Variants in EIF4E2 observed in about 807,000 individuals in gnomAD.
EIF4E2 encodes eukaryotic translation initiation factor 4E type 2.
A neutral mutation model predicts 34.2 loss-of-function variants in EIF4E2; 13 were observed. That is an observed-to-expected ratio of 0.38 (90% CI 0.25 to 0.60). The LOEUF (loss-of-function observed/expected upper bound fraction) is 0.60. Ranked by LOEUF, EIF4E2 falls within the 20% of genes least tolerant of loss-of-function variation. The pLI is 0.62. For synonymous variants in EIF4E2, 100 were observed against 106.6 expected, an observed-to-expected ratio of 0.94 and a Z score of 0.38; for missense variants, 222 against 315.1, an observed-to-expected ratio of 0.70 and a Z score of 2.24.
intron 6 of EIF4E2, among the ~76,000 whole-genome samples, chr2:232,580,114 AC>A (rs1693312473): frequency 6.6e-6 from 1 of 150,778 alleles, no homozygotes; most frequent in Non-Finnish European, 1.5e-5. Flanking sequence ...ACACACACAC[AC>A]ACACACACAC....
In EIF4E2 at chr2:232,567,062, TC is replaced by T; in HGVS notation, c.529-15del. 6.2e-7 allele frequency: 1 copy of T among 1,611,440 alleles called. No individual in the cohort carries two copies. Among genetic ancestry groups the T allele is most frequent in the Non-Finnish European group, 8.5e-7 (1 of 1,178,524 alleles). ...CCCCTGATTTGCTTTGATGATTCCT[TC>T]TGTTCCTCTGGTAGGAAGACATTAT... is the stretch of plus-strand genomic sequence containing the variant. On this transcript the variant is annotated splice_polypyrimidine_tract_variant and intron_variant, in intron 5 of 6. Transcript: ENST00000258416.
rs774733717 is a variant in EIF4E2, at chr2:232,564,295, C to T, written c.319C>T (p.Leu107=). Residue 107 remains leucine, a synonymous_variant, in exon 4 of 7, where the codon CTG becomes TTG. Transcript: ENST00000258416. ...FYSHMVRPGD[L]TGHSDFHLFK... is the part of the protein sequence containing the mutation. ...TAGCCACATGGTACGTCCTGGGGACCTGACAGGCCACAGTGACTTCCATCT... is the reference window on the plus strand; with the variant it reads ...TAGCCACATGGTACGTCCTGGGGACTTGACAGGCCACAGTGACTTCCATCT... 2.5e-6 allele frequency: 4 copies of T among 1,598,772 alleles called. No individual in the cohort carries two copies. In the South Asian group the frequency reaches 3.4e-5, roughly 14 times the overall value.
chr2:232,576,634 A>G (rs72993999), intron 6 of EIF4E2, among the ~76,000 whole-genome samples: 4,566 of 152,158 alleles, frequency 0.03, 138 homozygotes, highest in African/African-American at 0.073. Context: ...AGTAGGGGGG[A>G]AAAATGAATT....
At chr2:232,573,379 T>G (rs1016094454), downstream of EIF4E2, among the ~76,000 whole-genome samples, 2 of 152,166 alleles carry the variant, frequency 1.3e-5, no homozygotes, top group Non-Finnish European at 2.9e-5. Context: ...ATTTTATATA[T>G]AATTCCCAAG....
chr2:232,570,429 T>C (rs530433262), downstream of EIF4E2, among the ~76,000 whole-genome samples: 198 of 152,338 alleles, frequency 1.3e-3, 1 homozygote, highest in Non-Finnish European at 1.0e-3. Flanking sequence ...GTTACATACA[T>C]TAACTTTAAT....
intron 6 of EIF4E2, chr2:232,567,732 C>T: frequency 1.0e-6 from 1 of 990,110 alleles, no homozygotes; most frequent in Non-Finnish European, 1.2e-6. Flanking sequence ...AGAGCAGAAT[C>T]AAAGGGAAGC....
chr2:232,567,408 G>C, intron 6 of EIF4E2, 194 bp downstream of exon 6: 1 of 1,398,534 alleles, frequency 7.2e-7, no homozygotes, highest in Non-Finnish European at 9.3e-7. Flanking sequence ...ATACTACCAG[G>C]TGCTTTGTAG....
chr2:232,574,198 G>C, downstream of EIF4E2: 1 of 1,481,074 alleles, frequency 6.8e-7, no homozygotes, highest in South Asian at 1.2e-5. Flanking sequence ...TATTGTGTCT[G>C]CTCTCTGTGT....
In EIF4E2 at chr2:232,581,996, T is replaced by C. The variant is rs1429981983; in HGVS notation, c.*1053T>C. ...GAGTCCTCATCACCTGGTATGTGTATGAGCAAATGTGTGCTGATTGTGATG... is the reference window on the plus strand; with the variant it reads ...GAGTCCTCATCACCTGGTATGTGTACGAGCAAATGTGTGCTGATTGTGATG... On this transcript the variant is annotated 3_prime_UTR_variant, in exon 7 of 7. Coordinates refer to the EIF4E2 transcript ENST00000409098. This position sits in a 1 kb window ranked among gnomAD's most constrained non-coding sequence, Gnocchi z 5.2. 1.3e-5 allele frequency: 2 copies of C among 152,312 alleles called. No individual in the cohort carries two copies. Among genetic ancestry groups the C allele is most frequent in the East Asian group, 3.8e-4 (2 of 5,206 alleles). 9.4% of individuals were successfully genotyped at this position (152,312 alleles called of 1,614,324 possible).
intron 6 of EIF4E2, among the ~76,000 whole-genome samples, chr2:232,576,185 A>G (rs1693213944): frequency 6.8e-6 from 1 of 146,568 alleles, no homozygotes; most frequent in Admixed American, 6.9e-5. Context: ...GCCTGGCAAC[A>G]GAGCGAGACT....
chr2:232,564,890 G>C (rs1040508623), intron 4 of EIF4E2, among the ~76,000 whole-genome samples: 2 of 152,200 alleles, frequency 1.3e-5, no homozygotes, highest in Admixed American at 6.5e-5. Flanking sequence ...ACTGTTTTAT[G>C]ACTAAAATGG....
At position 232,581,244 on chromosome 2, in the gene EIF4E2, G is replaced by A. The variant is rs140148638; in HGVS notation, c.*301G>A. Reference sequence around the variant, plus strand: ...TGTGCTGTCCAGATGCCTCTTGGGCGTCCTGTTGTTCTCTTCCCGTGTTGT... The same window carrying A: ...TGTGCTGTCCAGATGCCTCTTGGGCATCCTGTTGTTCTCTTCCCGTGTTGT... On this transcript the variant is annotated 3_prime_UTR_variant, in exon 7 of 7. Coordinates refer to the EIF4E2 transcript ENST00000409098. The surrounding 1 kb of genome is among the most constrained non-coding windows in gnomAD (Gnocchi z 5.2). The A allele has an allele frequency of 0.012, 5,752 of 489,960 alleles. 54 individuals carry two copies. Among genetic ancestry groups the A allele is most frequent in the Non-Finnish European group, 0.016 (4,148 of 261,248 alleles). 30.4% of individuals were successfully genotyped at this position (489,960 alleles called of 1,614,324 possible). A position where few individuals can be genotyped will look rare whatever the true frequency, so the allele number is the denominator to read the frequency against.
At position 232,553,900 on chromosome 2, in the gene EIF4E2, C is replaced by G. The variant is rs531450905; in HGVS notation, c.21-2516C>G. 8 of 152,192 alleles carry G rather than the reference C, an allele frequency of 5.3e-5. No individual in the cohort carries two copies. The East Asian group carries it at 1.4e-3, about 26-fold the overall frequency. 9.4% of individuals were successfully genotyped at this position (152,192 alleles called of 1,614,324 possible). On this transcript the variant is annotated intron_variant, in intron 1 of 6. Transcript: ENST00000258416. ...AAAAGAAAGGAAGGTATATACTTTT[C>G]TTGGGTCTAGCAAAAACAAGATGCT...
intron 6 of EIF4E2, among the ~76,000 whole-genome samples, chr2:232,574,714 A>G (rs1693167329): frequency 1.3e-5 from 2 of 152,192 alleles, no homozygotes; most frequent in Non-Finnish European, 2.9e-5. Flanking sequence ...GGGCAGTTCC[A>G]CAGGCCCCAA....
intron 6 of EIF4E2, among the ~76,000 whole-genome samples, chr2:232,574,949 T>A (rs776517923): frequency 3.9e-5 from 6 of 152,204 alleles, no homozygotes; most frequent in Non-Finnish European, 8.8e-5. Context: ...AGCATTGACT[T>A]TGGGAATATT....
At chr2:232,579,411 A>G (rs1693296099) in intron 6 of EIF4E2, among the ~76,000 whole-genome samples, 1 of 152,228 alleles carries the variant, frequency 6.6e-6, no homozygotes, top group Non-Finnish European at 1.5e-5. Context: ...CAGCTATAAA[A>G]TACCAGTGGA....
intron 6 of EIF4E2, among the ~76,000 whole-genome samples, chr2:232,575,964 G>A (rs1693202551): frequency 6.6e-6 from 1 of 151,996 alleles, no homozygotes; most frequent in African/African-American, 2.4e-5. Context: ...CCAGCACTTT[G>A]GGAGGCCAAG....
chr2:232,558,053 A>G, intron 3 of EIF4E2, 35 bp downstream of exon 3: 1 of 1,611,808 alleles, frequency 6.2e-7, no homozygotes. Flanking sequence ...GTGTGCCTTG[A>G]TAGTTCGTTC....
At chr2:232,569,250 T>TGTG (rs1263066773), downstream of EIF4E2, 3 of 1,369,916 alleles carry the variant, frequency 2.2e-6, no homozygotes, top group African/African-American at 4.4e-5. Context: ...GCATCAAAGA[T>TGTG]GTGGCCTTTC....
Sources: gnomAD v4.1 joint callset for allele counts (sites outside exome capture counted in the v4.1 genomes callset) on GRCh38, gnomAD v4.1.1 for gene constraint, Gnocchi (gnomAD v3.1) non-coding constraint, MANE v1.5 for transcripts, NCBI Gene and HGNC (gene_info 2026-07-23, HGNC 2026-07-21) for gene names.